ADH5: variants seen among roughly 807,000 people sequenced by gnomAD.
ADH5 encodes the protein alcohol dehydrogenase class-3.
A neutral mutation model predicts 40.3 loss-of-function variants in ADH5; 32 were observed. That is an observed-to-expected ratio of 0.79 (90% CI 0.60 to 1.07). The LOEUF (loss-of-function observed/expected upper bound fraction) is 1.07. Ranked by LOEUF, ADH5 falls within the 50% of genes least tolerant of loss-of-function variation. The pLI is 0.00. For missense variants in ADH5, 353 were observed against 460.5 expected, an observed-to-expected ratio of 0.77 and a Z score of 2.14; for synonymous variants, 125 against 154.3, an observed-to-expected ratio of 0.81 and a Z score of 1.41.
chr4:99,074,404 T>C (rs1338663746), intron 7 of ADH5, among the ~76,000 whole-genome samples: 1 of 152,162 alleles, frequency 6.6e-6, no homozygotes, highest in Non-Finnish European at 1.5e-5. Context: ...TCTAGCAGCT[T>C]TTTGATTTTA....
At chr4:99,076,146 T>G (rs770010098) in intron 6 of ADH5, 146 bp downstream of exon 6, 5 of 761,452 alleles carry the variant, frequency 6.6e-6, no homozygotes, top group Admixed American at 2.9e-5. Flanking sequence ...CCCATTGTAG[T>G]TCAAATAGAT....
chr4:99,073,050 A>C (rs996383047), intron 7 of ADH5, among the ~76,000 whole-genome samples: 4 of 152,280 alleles, frequency 2.6e-5, no homozygotes, highest in Non-Finnish European at 5.9e-5. Context: ...ATGATATTCA[A>C]GGAAGAAAAA....
chr4:99,085,918 T>C (rs1028160842), intron 1 of ADH5, among the ~76,000 whole-genome samples: 3 of 152,040 alleles, frequency 2.0e-5, no homozygotes, highest in Non-Finnish European at 4.4e-5. Flanking sequence ...ATCTGTGTGG[T>C]CCCAGCTACT....
chr4:99,088,427 C>T (rs929463125), intron 1 of ADH5, among the ~76,000 whole-genome samples: 1 of 152,066 alleles, frequency 6.6e-6, no homozygotes, highest in Non-Finnish European at 1.5e-5. Context: ...CCCTGCCCCC[C>T]ACTCTCCGGC....
intron 3 of ADH5, 161 bp from the exon 4 acceptor site, chr4:99,081,613 T>G (rs565532695): frequency 1.7e-6 from 1 of 597,618 alleles, no homozygotes; most frequent in East Asian, 2.8e-5. Context: ...TGTCTGACCA[T>G]GCAAAAAGTA....
chr4:99,076,557 G>C lies in ADH5; in HGVS notation c.565-5C>G. On this transcript the variant is annotated splice_region_variant and splice_polypyrimidine_tract_variant and intron_variant, in intron 5 of 8. Coordinates refer to ENST00000296412, the MANE Select transcript of ADH5 (RefSeq NM_000671.4). ...ACAAACAGAGCCAGGCTCCAACTAG[G>C]AGTAAAGAAAGTTTATAAAGTACTC... 1 of 1,611,562 alleles carries C rather than the reference G, an allele frequency of 6.2e-7. No homozygotes were observed. The highest frequency in any genetic ancestry group is 8.5e-7 in the Non-Finnish European group (1 of 1,178,948).
Position 99,076,296 on chromosome 4 carries a change from A to G in ADH5, c.821T>C (p.Val274Ala). 2 of 1,614,016 alleles carry G rather than the reference A, an allele frequency of 1.2e-6. No individual in the cohort carries two copies. The highest frequency in any genetic ancestry group is 1.7e-6 in the Non-Finnish European group (2 of 1,179,870). Residue 274 changes from valine to alanine, a missense_variant, in exon 6 of 9, where the codon GTC becomes GCC. By Grantham distance (64) the Val-to-Ala change is moderately conservative (BLOSUM62 0). Coordinates refer to ENST00000296412, the MANE Select transcript of ADH5 (RefSeq NM_000671.4). The part of the protein sequence containing the change: ...YSFECIGNVK[V>A]MRAALEACHK... ...AGGAATGAAGCCCATACTCACCATGACCTTCACATTACCAATACATTCAAA... is the reference window on the plus strand; with the variant it reads ...AGGAATGAAGCCCATACTCACCATGGCCTTCACATTACCAATACATTCAAA...
intron 2 of ADH5, 65 bp downstream of exon 2, chr4:99,085,050 C>G (rs1210600851): frequency 9.3e-6 from 7 of 750,402 alleles, no homozygotes; most frequent in African/African-American, 3.6e-5. Flanking sequence ...GATCTCAGAT[C>G]TACTCATCTA....
In ADH5 at chr4:99,074,985, G is replaced by A; in HGVS notation, c.890C>T (p.Ser297Leu). ...GVSVVVGVAA[S>L]GEEIATRPFQ... ...TGGACGAGTGGCAATTTCTTCACCT[G>A]AAGCAGCTACTCCAACCACGACGCT... Residue 297 changes from serine (S) to leucine (L), a missense_variant, in exon 7 of 9, where the codon TCA becomes TTA. Ser to Leu is a moderately radical substitution (Grantham distance 145). Coordinates refer to ENST00000296412, the MANE Select transcript of ADH5 (RefSeq NM_000671.4). 6.2e-7 allele frequency: 1 copy of A among 1,613,314 alleles called. No individual in the cohort carries two copies. The highest frequency in any genetic ancestry group is 8.5e-7 in the Non-Finnish European group (1 of 1,179,502).
chr4:99,073,633 C>G (rs1274086635), intron 7 of ADH5, among the ~76,000 whole-genome samples: 1 of 152,204 alleles, frequency 6.6e-6, no homozygotes, highest in African/African-American at 2.4e-5. Context: ...CTCTTATATT[C>G]TCCACTAATT....
chr4:99,084,998 C>A lies in ADH5; in HGVS notation c.114+117G>T, dbSNP rs540116858. ...GATTGTAAGGCTGGATGACTTTCAA[C>A]ACCTTTTCTTTGACACTGTCCTTTG... is the stretch of plus-strand genomic sequence containing the variant. On this transcript the variant is annotated intron_variant, in intron 2 of 8. Transcript: ENST00000296412. 1.5e-5 allele frequency: 7 copies of A among 456,870 alleles called. No individual in the cohort carries two copies. In the Admixed American group the frequency reaches 2.2e-4, roughly 14 times the overall value. 28.3% of individuals were successfully genotyped at this position (456,870 alleles called of 1,614,324 possible). A position where few individuals can be genotyped will look rare whatever the true frequency, so the allele number is the denominator to read the frequency against.
chr4:99,072,902 C>T (rs28730640), intron 7 of ADH5, among the ~76,000 whole-genome samples, 191 bp from the exon 8 acceptor site: 14,927 of 152,156 alleles, frequency 0.098, 796 homozygotes, highest in African/African-American at 0.13. Flanking sequence ...TTTGAAATTT[C>T]CCTTCCTCTG....
At chr4:99,079,534 C>G (rs1445843971) in intron 4 of ADH5, among the ~76,000 whole-genome samples, 2 of 152,028 alleles carry the variant, frequency 1.3e-5, no homozygotes, top group African/African-American at 4.8e-5. Context: ...CTATCTTGAT[C>G]TGGGTGACGT....
At position 99,072,623 on chromosome 4, in the gene ADH5, C is replaced by T; in HGVS notation, c.1050G>A (p.Leu350=). 1 of 1,613,648 alleles carries T rather than the reference C, an allele frequency of 6.2e-7. No homozygotes were observed. The highest frequency in any genetic ancestry group is 8.5e-7 in the Non-Finnish European group (1 of 1,179,778). The change falls in exon 8 of 9, where the codon CTG becomes CTA. Residue 350 remains leucine (L), a synonymous_variant. Coordinates refer to ENST00000296412, the MANE Select transcript of ADH5 (RefSeq NM_000671.4). ...AGGCTTTGTTGATTTCATCAAAAGA[C>T]AGATTGTGAGTCACAAATTCATCAA... ...IKVDEFVTHN[L]SFDEINKAFE... is the part of the protein sequence containing the mutation.
At position 99,088,692 on chromosome 4, in the gene ADH5, G is replaced by T. The variant is rs748458712; in HGVS notation, c.9C>A (p.Asn3Lys). Residue 3 changes from asparagine (N) to lysine (K), a missense_variant, in exon 1 of 9, where the codon AAC becomes AAA. Transcript: ENST00000296412. ...CCCTCCGCTCAACGGGCCCTACCTCGTTCGCCATGTTCACGGATTCTGGTC... is the reference window on the plus strand; with the variant it reads ...CCCTCCGCTCAACGGGCCCTACCTCTTTCGCCATGTTCACGGATTCTGGTC... MA[N>K]EVIKCKAAVA... The T allele has an allele frequency of 6.2e-7, 1 of 1,606,858 alleles. No individual in the cohort carries two copies. Among genetic ancestry groups the T allele is most frequent in the Non-Finnish European group, 8.5e-7 (1 of 1,176,046 alleles).
intron 4 of ADH5, chr4:99,080,115 A>ATC: frequency 2.9e-6 from 1 of 350,502 alleles, no homozygotes; most frequent in East Asian, 9.5e-5. Flanking sequence ...CTCACAACAG[A>ATC]AACACTGCTT....
At chr4:99,083,276 ATT>A in intron 2 of ADH5, among the ~76,000 whole-genome samples, 1 of 152,064 alleles carries the variant, frequency 6.6e-6, no homozygotes, top group Non-Finnish European at 1.5e-5. Flanking sequence ...ATGATTTCAA[ATT>A]CCTGTGTATG....
intron 2 of ADH5, 48 bp downstream of exon 2, chr4:99,085,067 G>T: frequency 1.0e-6 from 1 of 969,398 alleles, no homozygotes; most frequent in Non-Finnish European, 1.5e-6. Context: ...TCTATCCAGA[G>T]ACCTCATTGT....
In ADH5 at chr4:99,074,948, T is replaced by C. The variant is rs1157611278; in HGVS notation, c.927A>G (p.Val309=). The C allele has an allele frequency of 1.7e-5, 28 of 1,612,988 alleles. No individual in the cohort carries two copies. The highest frequency in any genetic ancestry group is 2.3e-5 in the Non-Finnish European group (27 of 1,179,352). The change falls in exon 7 of 9, where the codon GTA becomes GTG. Residue 309 remains valine (V), a synonymous_variant. Coordinates refer to ENST00000296412, the MANE Select transcript of ADH5 (RefSeq NM_000671.4). ...EEIATRPFQL[V]TGRTWKGTAF... ...CAGTGCCTTTCCATGTGCGACCTGTTACCAGCTGGAATGGACGAGTGGCAA... is the reference window on the plus strand; with the variant it reads ...CAGTGCCTTTCCATGTGCGACCTGTCACCAGCTGGAATGGACGAGTGGCAA...
Sources: allele counts gnomAD v4.1 joint callset (sites outside exome capture counted in the v4.1 genomes callset), GRCh38; gene constraint gnomAD v4.1.1; transcripts MANE v1.5; gene names NCBI Gene and HGNC (gene_info 2026-07-23, HGNC 2026-07-21).